Variants in LYPD6B observed in about 807,000 individuals in gnomAD.
LYPD6B encodes the protein ly6/PLAUR domain-containing protein 6B.
In LYPD6B, 17 loss-of-function variants were observed where a neutral mutation model predicts 22.8. That is an observed-to-expected ratio of 0.75 (90% CI 0.51 to 1.12). The LOEUF (loss-of-function observed/expected upper bound fraction) is 1.12, where lower values mean the gene tolerates loss of function less well. Among genes scored for constraint, LYPD6B ranks in the 50% most tolerant of loss-of-function variants. The probability of loss-of-function intolerance (pLI) is 0.00; values close to 1 mark genes in which losing one functional copy is unlikely to be tolerated. For synonymous variants in LYPD6B, 106 were observed against 91.6 expected, an observed-to-expected ratio of 1.16 and a Z score of -0.90; for missense variants, 221 against 258.3, an observed-to-expected ratio of 0.86 and a Z score of 0.99.
chr2:149,212,864 G>A, intron 5 of LYPD6B, 128 bp from the exon 6 acceptor site: 2 of 813,876 alleles, frequency 2.5e-6, no homozygotes, highest in Non-Finnish European at 3.7e-6. Flanking sequence ...GAAATGTCTT[G>A]CCTAAAAACC....
intron 1 of LYPD6B, among the ~76,000 whole-genome samples, chr2:149,074,854 C>A (rs1243701229): frequency 6.6e-6 from 1 of 152,140 alleles, no homozygotes; most frequent in Non-Finnish European, 1.5e-5. Flanking sequence ...TATGCTTCAA[C>A]ATTTAAAGGC....
At chr2:149,207,342 T>C (rs1027453680) in intron 4 of LYPD6B, among the ~76,000 whole-genome samples, 2 of 152,176 alleles carry the variant, frequency 1.3e-5, no homozygotes, top group Non-Finnish European at 2.9e-5. Context: ...CTTCTAGTTA[T>C]ATTACTAAGA....
chr2:149,072,516 T>TATTTTATTTC (rs1684664942), intron 1 of LYPD6B, among the ~76,000 whole-genome samples: 1 of 148,370 alleles, frequency 6.7e-6, no homozygotes, highest in Non-Finnish European at 1.5e-5. Flanking sequence ...TATTTTATTT[T>TATTTTATTTC]ATTTTATTTT....
chr2:149,055,330 C>T (rs1683741904), intron 1 of LYPD6B, among the ~76,000 whole-genome samples: 1 of 152,302 alleles, frequency 6.6e-6, no homozygotes, highest in South Asian at 2.1e-4. Context: ...AAGTATAAGT[C>T]TTCCAGCTTT....
At chr2:149,047,440 A>G (rs1470144849) in intron 1 of LYPD6B, among the ~76,000 whole-genome samples, 2 of 152,086 alleles carry the variant, frequency 1.3e-5, no homozygotes, top group Non-Finnish European at 2.9e-5. Flanking sequence ...TATGCCTCTG[A>G]CAAGAAGTCT....
At chr2:149,063,141 C>T (rs1475485776) in intron 1 of LYPD6B, among the ~76,000 whole-genome samples, 1 of 151,984 alleles carries the variant, frequency 6.6e-6, no homozygotes, top group Non-Finnish European at 1.5e-5. Context: ...TGGTACATTT[C>T]GTGTATGTCA....
At chr2:149,092,662 C>A (rs1199389467) in intron 1 of LYPD6B, among the ~76,000 whole-genome samples, 1 of 152,142 alleles carries the variant, frequency 6.6e-6, no homozygotes, top group Non-Finnish European at 1.5e-5. Flanking sequence ...GCACATGCAC[C>A]TGACACAAAG....
intron 2 of LYPD6B, 30 bp from the exon 3 acceptor site, chr2:149,160,734 T>C (rs917010734): frequency 2.7e-6 from 4 of 1,492,946 alleles, no homozygotes; most frequent in South Asian, 1.2e-5. Flanking sequence ...CAGCAGTGGC[T>C]CTTTCCTTAT....
In LYPD6B at chr2:149,203,116, T is replaced by G. The variant is rs1343047464; in HGVS notation, c.78-2137T>G. 3.3e-5 allele frequency among the ~76,000 whole-genome samples: 5 copies of G among 152,320 alleles called. No individual in the cohort carries two copies. In the East Asian group the frequency reaches 9.7e-4, roughly 29 times the overall value. On this transcript the variant is annotated intron_variant, in intron 3 of 6. Transcript: ENST00000409642. ...GCAAACTATGTGCTTAGCTTCCCTA[T>G]GCACTGGGTCATTCAGTCCTCACTC...
At chr2:149,171,212 G>A (rs1320692900) in intron 3 of LYPD6B, among the ~76,000 whole-genome samples, 1 of 152,058 alleles carries the variant, frequency 6.6e-6, no homozygotes. Context: ...GTGTGAAATA[G>A]GAAGGCTCAA....
rs73963341 is a variant in LYPD6B, at chr2:149,087,053, G to C, written c.-66-43830G>C. ...CTATCTCCAAATACAGTTATATTCT[G>C]AGGCACTTGGGTATTAGGACTTCAA... is the stretch of plus-strand genomic sequence containing the variant. On this transcript the variant is annotated intron_variant, in intron 1 of 6. Coordinates refer to ENST00000409642, the MANE Select transcript of LYPD6B (RefSeq NM_177964.5). Among the ~76,000 whole-genome samples the C allele has an allele frequency of 4.3e-3, 652 of 151,436 alleles. 4 individuals carry two copies. The highest frequency in any genetic ancestry group is 0.015 in the African/African-American group (618 of 41,198).
At chr2:149,159,920 A>G (rs866896014) in intron 2 of LYPD6B, among the ~76,000 whole-genome samples, 3 of 152,286 alleles carry the variant, frequency 2.0e-5, no homozygotes, top group Middle Eastern at 6.8e-3. Context: ...CATATAAAAA[A>G]TACCTTCTTG....
chr2:149,090,654 T>TA (rs754348257), intron 1 of LYPD6B, among the ~76,000 whole-genome samples: 14 of 151,154 alleles, frequency 9.3e-5, no homozygotes, highest in East Asian at 5.8e-4. Context: ...CCACTTTTCT[T>TA]AAAAAAAAAC....
At chr2:149,065,965 G>T (rs751003956) in intron 1 of LYPD6B, among the ~76,000 whole-genome samples, 1 of 151,948 alleles carries the variant, frequency 6.6e-6, no homozygotes, top group Non-Finnish European at 1.5e-5. Flanking sequence ...GCCCACCTTG[G>T]CTTCCCAAAG....
At chr2:149,144,948 T>C (rs1375917233) in intron 2 of LYPD6B, among the ~76,000 whole-genome samples, 5 of 152,148 alleles carry the variant, frequency 3.3e-5, no homozygotes, top group Admixed American at 2.0e-4. Context: ...TACTGCCCAT[T>C]GATTGTGTTC....
At chr2:149,091,218 C>T (rs1030018286) in intron 1 of LYPD6B, among the ~76,000 whole-genome samples, 1 of 151,710 alleles carries the variant, frequency 6.6e-6, no homozygotes, top group African/African-American at 2.4e-5. Flanking sequence ...TCTGTGAAAT[C>T]GGGGTTTTGG....
chr2:149,203,308 A>G (rs2106131815), intron 3 of LYPD6B, among the ~76,000 whole-genome samples: 1 of 152,352 alleles, frequency 6.6e-6, no homozygotes, highest in Admixed American at 6.5e-5. Flanking sequence ...CCTTCTCTCC[A>G]TATTATAAGA....
chr2:149,052,246 AG>A (rs1558969226), intron 1 of LYPD6B, among the ~76,000 whole-genome samples: 1 of 151,872 alleles, frequency 6.6e-6, no homozygotes, highest in Non-Finnish European at 1.5e-5. Context: ...TAGTAGAGAT[AG>A]GGGTTCACCA....
Position 149,213,099 on chromosome 2 carries a change from C to T in LYPD6B, c.436C>T (p.His146Tyr), listed in dbSNP as rs778188401. The T allele has an allele frequency of 6.2e-7, 1 of 1,613,818 alleles. No homozygotes were observed. ...TGAATGTCATTTTGTCGGTTGCCAC[C>T]ACAGCCGAGATTCTGAACATACGGT... Reference protein sequence around the residue: ...RSECHFVGCHHSRDSEHTECR... With the variant: ...RSECHFVGCHYSRDSEHTECR... The change falls in exon 6 of 7, where the codon CAC becomes TAC. Residue 146 changes from histidine (H) to tyrosine (Y), a missense_variant. His to Tyr is a moderately conservative substitution (Grantham distance 83). Coordinates refer to ENST00000409642, the MANE Select transcript of LYPD6B (RefSeq NM_177964.5).
Sources: gnomAD v4.1 joint callset for allele counts (sites outside exome capture counted in the v4.1 genomes callset) on GRCh38, gnomAD v4.1.1 for gene constraint, MANE v1.5 for transcripts, NCBI Gene and HGNC (gene_info 2026-07-23, HGNC 2026-07-21) for gene names.